The following DAAM1 variants were observed in gnomAD, a reference collection of about 807,000 sequenced individuals.
The protein encoded by DAAM1 is disheveled-associated activator of morphogenesis 1.
A neutral mutation model predicts 130.0 loss-of-function variants in DAAM1; 52 were observed. The observed-to-expected ratio is 0.40, with a 90% CI of 0.32 to 0.50. DAAM1 has a LOEUF of 0.50. Among genes scored for constraint, DAAM1 ranks in the 20% least tolerant of loss-of-function variants. The pLI is 0.61. For missense variants in DAAM1, 1,134 were observed against 1,303.8 expected, an observed-to-expected ratio of 0.87 and a Z score of 2.01; for synonymous variants, 452 against 444.5, an observed-to-expected ratio of 1.02 and a Z score of -0.21.
At chr14:59,284,345 T>G (rs1883352173) in intron 2 of DAAM1, among the ~76,000 whole-genome samples, 1 of 152,150 alleles carries the variant, frequency 6.6e-6, no homozygotes, top group Non-Finnish European at 1.5e-5. Flanking sequence ...AGATGTGAAG[T>G]CAGTATCCTA....
intron 1 of DAAM1, among the ~76,000 whole-genome samples, chr14:59,248,402 A>G (rs1427114468): frequency 1.3e-5 from 2 of 152,142 alleles, no homozygotes; most frequent in Non-Finnish European, 1.5e-5. Flanking sequence ...TACAGTAATT[A>G]AAATTCAGTA....
chr14:59,268,648 A>G (rs867873105), intron 2 of DAAM1, among the ~76,000 whole-genome samples: 1 of 152,144 alleles, frequency 6.6e-6, no homozygotes, highest in Non-Finnish European at 1.5e-5. Flanking sequence ...AACAATTTTT[A>G]AGTTATTTGG....
chr14:59,346,276 G>T (rs1800977691), intron 16 of DAAM1, among the ~76,000 whole-genome samples: 1 of 152,052 alleles, frequency 6.6e-6, no homozygotes, highest in Non-Finnish European at 1.5e-5. Flanking sequence ...CAGGACTGGG[G>T]CCCAGCCTGT....
At chr14:59,329,865 T>G (rs914894729) in intron 12 of DAAM1, among the ~76,000 whole-genome samples, 1 of 152,202 alleles carries the variant, frequency 6.6e-6, no homozygotes, top group Non-Finnish European at 1.5e-5. Flanking sequence ...CTTAAGATAT[T>G]TAATACTGAG....
chr14:59,324,185 A>C lies in DAAM1; in HGVS notation c.832A>C (p.Lys278Gln), dbSNP rs747025127. 1 of 1,464,740 alleles carries C rather than the reference A, an allele frequency of 6.8e-7. No homozygotes were observed. Among genetic ancestry groups the C allele is most frequent in the Non-Finnish European group, 9.1e-7 (1 of 1,100,042 alleles). 90.7% of individuals were successfully genotyped at this position (1,464,740 alleles called of 1,614,324 possible). A position where few individuals can be genotyped will look rare whatever the true frequency, so the allele number is the denominator to read the frequency against. ...TGRYRDEVSLKTAIMSFINAV... is the reference protein window; with the variant it reads ...TGRYRDEVSLQTAIMSFINAV... ...GCGGTATCGAGATGAAGTGAGTCTC[A>C]AGACTGCCATCATGTCCTTCATTAA... is the stretch of plus-strand genomic sequence containing the variant. Residue 278 changes from lysine (K) to glutamine (Q), a missense_variant, in exon 7 of 25, where the codon AAG (lysine) becomes CAG (glutamine). Lys to Gln is a moderately conservative substitution (Grantham distance 53). This residue lies in a region of DAAM1 where 391 missense variants were observed against 521.6 expected (regional missense o/e 0.75). Coordinates refer to ENST00000360909, the MANE Select transcript of DAAM1 (RefSeq NM_001270520.2).
In DAAM1 at chr14:59,367,577, G is replaced by A. The variant is rs766554858; in HGVS notation, c.2975G>A (p.Arg992His). 6.8e-6 allele frequency: 11 copies of A among 1,613,622 alleles called. No individual in the cohort carries two copies. The highest frequency in any genetic ancestry group is 1.7e-4 in the Middle Eastern group (1 of 6,060). Reference sequence around the variant, plus strand: ...AGAAAGAAAAAGGAGGAAGAAGAACGTCGAGCTCGCATGGAAGCTCAGGTG... The same window carrying A: ...AGAAAGAAAAAGGAGGAAGAAGAACATCGAGCTCGCATGGAAGCTCAGGTG... ...NMRKKKEEEE[R>H]RARMEAQLKE... The change falls in exon 24 of 25, where the codon CGT becomes CAT. Residue 992 changes from arginine to histidine, a missense_variant. This residue lies in a region of DAAM1 where 644 missense variants were observed against 695.9 expected (regional missense o/e 0.93). Transcript: ENST00000360909.
intron 17 of DAAM1, among the ~76,000 whole-genome samples, chr14:59,348,459 G>C (rs191567368): frequency 6.6e-6 from 1 of 152,150 alleles, no homozygotes; most frequent in Non-Finnish European, 1.5e-5. Context: ...TAACTTTTCT[G>C]TGCTCTGTGG....
At chr14:59,243,723 C>G (rs1349041028) in intron 1 of DAAM1, among the ~76,000 whole-genome samples, 3 of 152,166 alleles carry the variant, frequency 2.0e-5, no homozygotes, top group Admixed American at 6.5e-5. Context: ...AATCACTGGT[C>G]TGTAGTACCT....
chr14:59,263,949 C>T (rs1882309328), intron 2 of DAAM1: 1 of 456,348 alleles, frequency 2.2e-6, no homozygotes, highest in East Asian at 4.4e-5. Flanking sequence ...TTAAGTTGCC[C>T]TTCCTAATTT....
chr14:59,299,440 G>T (rs1401250739), intron 3 of DAAM1, among the ~76,000 whole-genome samples: 1 of 152,162 alleles, frequency 6.6e-6, no homozygotes, highest in Non-Finnish European at 1.5e-5. Flanking sequence ...TGGAGGCATG[G>T]TAACATTAGC....
chr14:59,238,688 A>T (rs1889382190), intron 1 of DAAM1, among the ~76,000 whole-genome samples: 1 of 152,162 alleles, frequency 6.6e-6, no homozygotes, highest in Non-Finnish European at 1.5e-5. Context: ...CGGCTTACTG[A>T]CTGTTCAGAT....
intron 3 of DAAM1, among the ~76,000 whole-genome samples, chr14:59,310,542 C>G (rs1212536461): frequency 6.6e-6 from 1 of 152,132 alleles, no homozygotes; most frequent in Non-Finnish European, 1.5e-5. Flanking sequence ...AAAGCAGGTT[C>G]TTTGCAAAGA....
chr14:59,190,835 G>A (rs1261981622), intron 1 of DAAM1, among the ~76,000 whole-genome samples: 2 of 152,206 alleles, frequency 1.3e-5, no homozygotes, highest in African/African-American at 4.8e-5. Context: ...GTAATCTGAA[G>A]TTAAGGGTTT....
At chr14:59,304,905 T>C (rs932648014) in intron 3 of DAAM1, among the ~76,000 whole-genome samples, 3 of 152,230 alleles carry the variant, frequency 2.0e-5, no homozygotes, top group Admixed American at 6.5e-5. Context: ...AATTACTCTT[T>C]TCCAAAGGGT....
At chr14:59,335,666 T>A (rs527273403) in intron 15 of DAAM1, among the ~76,000 whole-genome samples, 1 of 152,196 alleles carries the variant, frequency 6.6e-6, no homozygotes, top group Admixed American at 6.5e-5. Flanking sequence ...TGATCTTTGC[T>A]TGAGGACAGC....
At chr14:59,311,214 G>T (rs1884579828) in intron 3 of DAAM1, among the ~76,000 whole-genome samples, 2 of 152,160 alleles carry the variant, frequency 1.3e-5, no homozygotes, top group Non-Finnish European at 2.9e-5. Flanking sequence ...CATGCTTTGG[G>T]TATACAAATC....
intron 2 of DAAM1, among the ~76,000 whole-genome samples, chr14:59,288,170 G>A (rs1293833348): frequency 6.6e-6 from 1 of 152,178 alleles, no homozygotes; most frequent in East Asian, 1.9e-4. Context: ...AAACAGTAAA[G>A]AAAGGACATC....
At chr14:59,189,933 A>G (rs1887678762) in intron 1 of DAAM1, among the ~76,000 whole-genome samples, 1 of 152,106 alleles carries the variant, frequency 6.6e-6, no homozygotes, top group Admixed American at 6.5e-5. Flanking sequence ...GAGAGCATCA[A>G]GAGCAAATGC....
At chr14:59,269,122 C>T in intron 2 of DAAM1, among the ~76,000 whole-genome samples, 1 of 152,200 alleles carries the variant, frequency 6.6e-6, no homozygotes, top group Non-Finnish European at 1.5e-5. Flanking sequence ...GACACATGGT[C>T]CTGTCCTTGA....
Sources: allele counts gnomAD v4.1 joint callset (sites outside exome capture counted in the v4.1 genomes callset), GRCh38; gene constraint gnomAD v4.1.1; regional missense constraint gnomAD v4.1.1; transcripts MANE v1.5; gene names NCBI Gene and HGNC (gene_info 2026-07-23, HGNC 2026-07-21).